Variants in CFHR4 observed in about 807,000 individuals in gnomAD.
CFHR4 encodes the protein complement factor H related 4, also known as complement factor H-related protein 4.
CFHR4 carries 64 observed loss-of-function variants against 69.3 expected under a neutral mutation model. The observed-to-expected ratio is 0.92, with a 90% CI of 0.76 to 1.14. The LOEUF (loss-of-function observed/expected upper bound fraction) is 1.14, where lower values mean the gene tolerates loss of function less well. Among genes scored for constraint, CFHR4 ranks in the 50% most tolerant of loss-of-function variants. CFHR4 has a pLI of 0.00. For synonymous variants in CFHR4, 244 were observed against 237.0 expected (o/e 1.03, Z -0.27); for missense variants, 636 against 684.9 (o/e 0.93, Z 0.80).
chr1:196,890,811 G>A (rs970723116), intron 1 of CFHR4, among the ~76,000 whole-genome samples: 1 of 151,482 alleles, frequency 6.6e-6, no homozygotes, highest in Non-Finnish European at 1.5e-5. Flanking sequence ...CATAACAAAA[G>A]GTTCCAGGCT....
chr1:196,909,852 A>G (rs990142872), intron 5 of CFHR4, among the ~76,000 whole-genome samples: 3 of 151,282 alleles, frequency 2.0e-5, no homozygotes, highest in South Asian at 4.2e-4. Flanking sequence ...AATTTAAAAA[A>G]AAATCTAAAA....
chr1:196,913,059 C>A (rs1457819874), intron 7 of CFHR4, 137 bp downstream of exon 7: 1 of 1,438,870 alleles, frequency 6.9e-7, no homozygotes, highest in Admixed American at 2.2e-5. Flanking sequence ...ATTCAACATT[C>A]TGTGCCAAAT....
At chr1:196,916,766 T>C (rs1331758214) in intron 9 of CFHR4, among the ~76,000 whole-genome samples, 1 of 151,452 alleles carries the variant, frequency 6.6e-6, no homozygotes, top group Admixed American at 6.6e-5. Flanking sequence ...AAGCATTACC[T>C]CTTCTCACAA....
rs1416072596 is a variant in CFHR4, at chr1:196,890,559, C to A, written c.58+2351C>A. Among the ~76,000 whole-genome samples the A allele has an allele frequency of 2.0e-5, 3 of 151,266 alleles. 1 individual carries two copies. Among genetic ancestry groups the A allele is most frequent in the Non-Finnish European group, 4.4e-5 (3 of 67,898 alleles). On this transcript the variant is annotated intron_variant, in intron 1 of 9. Transcript: ENST00000608469. ...GGAAAATTATTTTAATTATGAATAT[C>A]CTTTTAAAATTGTATAAATATTTCA...
At position 196,900,422 on chromosome 1, in the gene CFHR4, T is replaced by C. The variant is rs544483846; in HGVS notation, c.59-1996T>C. Among the ~76,000 whole-genome samples the C allele has an allele frequency of 1.4e-4, 21 of 150,910 alleles. 2 individuals carry two copies. The highest frequency in any genetic ancestry group is 4.9e-4 in the African/African-American group (20 of 40,884). On this transcript the variant is annotated intron_variant, in intron 1 of 9. Transcript: ENST00000608469. Reference sequence around the variant, plus strand: ...AAAGTCATGAAGTGGCTCAAGCTTGTGGTATTAATGATAATGATAGCTACT... The same window carrying C: ...AAAGTCATGAAGTGGCTCAAGCTTGCGGTATTAATGATAATGATAGCTACT...
At chr1:196,901,280 T>C (rs1173707673) in intron 1 of CFHR4, among the ~76,000 whole-genome samples, 3 of 149,184 alleles carry the variant, frequency 2.0e-5, no homozygotes, top group Non-Finnish European at 4.4e-5. Flanking sequence ...AAAAAAATGG[T>C]GAAGAGAAAT....
rs773514113 is a variant in CFHR4 at position 196,914,676 on chromosome 1, G to A, written c.1357+5G>A. 8.8e-6 allele frequency: 14 copies of A among 1,589,486 alleles called. No individual in the cohort carries two copies. Among genetic ancestry groups the A allele is most frequent in the Middle Eastern group, 1.7e-4 (1 of 5,948 alleles). Reference sequence around the variant, plus strand: ...CCCATTTCCCAACATGTTATAGTAAGTATTTTATTCAAGTATTTTTTATTA... The same window carrying A: ...CCCATTTCCCAACATGTTATAGTAAATATTTTATTCAAGTATTTTTTATTA... On this transcript the variant is annotated splice_donor_5th_base_variant and intron_variant, in intron 8 of 9. Coordinates refer to ENST00000608469, the MANE Select transcript of CFHR4 (RefSeq NM_001201550.3).
At chr1:196,898,373 A>G (rs893947638) in intron 1 of CFHR4, among the ~76,000 whole-genome samples, 1 of 151,602 alleles carries the variant, frequency 6.6e-6, no homozygotes, top group Non-Finnish European at 1.5e-5. Flanking sequence ...TTAAACACAA[A>G]AAAAGGGGAG....
chr1:196,889,546 T>G (rs1257025435), intron 1 of CFHR4, among the ~76,000 whole-genome samples: 1 of 151,608 alleles, frequency 6.6e-6, no homozygotes, highest in Non-Finnish European at 1.5e-5. Context: ...TTGAAAACTT[T>G]TCTCCTCCAA....
chr1:196,908,164 G>A (rs1366494366), intron 5 of CFHR4, among the ~76,000 whole-genome samples: 5 of 151,266 alleles, frequency 3.3e-5, no homozygotes, highest in Admixed American at 1.3e-4. Flanking sequence ...GTCACAGGAT[G>A]GGGAGCTAGG....
In CFHR4 at chr1:196,906,720, T is replaced by G. The variant is rs550527037; in HGVS notation, c.440-141T>G. ...AACTGTTATAGCACAAAAAAAACAC[T>G]GATTGTCGGACTATTTTTAATAGTA... On this transcript the variant is annotated intron_variant, in intron 3 of 9. Transcript: ENST00000608469. The G allele has an allele frequency of 2.5e-4, 202 of 823,904 alleles. 1 individual carries two copies. The highest frequency in any genetic ancestry group is 3.5e-4 in the Non-Finnish European group (196 of 554,314). The allele number at this position is 823,904 out of a possible 1,614,324, so 51.0% of individuals were successfully genotyped here. A position where few individuals can be genotyped will look rare whatever the true frequency, so the allele number is the denominator to read the frequency against.
intron 1 of CFHR4, among the ~76,000 whole-genome samples, chr1:196,900,901 A>G (rs1022351354): frequency 6.6e-6 from 1 of 151,542 alleles, no homozygotes; most frequent in Non-Finnish European, 1.5e-5. Flanking sequence ...CCAAGAAACT[A>G]TACAAAGACA....
intron 5 of CFHR4, among the ~76,000 whole-genome samples, chr1:196,909,110 T>A (rs1026047824): frequency 1.3e-5 from 2 of 151,552 alleles, no homozygotes; most frequent in African/African-American, 2.4e-5. Context: ...AAATTTAGTA[T>A]TAGGTTTCAG....
chr1:196,916,353 T>C (rs1403855243), intron 9 of CFHR4, among the ~76,000 whole-genome samples: 1 of 151,966 alleles, frequency 6.6e-6, no homozygotes, highest in Non-Finnish European at 1.5e-5. Context: ...TCTTAAACTA[T>C]AAGTTCATGA....
Position 196,902,573 on chromosome 1 carries a change from C to T in CFHR4, c.214C>T (p.His72Tyr). 1 of 1,612,372 alleles carries T rather than the reference C, an allele frequency of 6.2e-7. No individual in the cohort carries two copies. The highest frequency in any genetic ancestry group is 1.1e-5 in the South Asian group (1 of 91,026). The change falls in exon 2 of 10, where the codon CAT (histidine) becomes TAT (tyrosine). Residue 72 changes from histidine (H) to tyrosine (Y), a missense_variant. By Grantham distance (83) the His-to-Tyr change is moderately conservative (BLOSUM62 2). This residue lies in a region of CFHR4 where 529 missense variants were observed against 533.2 expected (regional missense o/e 0.99). Coordinates refer to ENST00000608469, the MANE Select transcript of CFHR4 (RefSeq NM_001201550.3). ...TPSGSYWDYI[H>Y]CTQDGWSPTV... ...TTCAGGAAGTTACTGGGATTACATT[C>T]ATTGCACACAAGATGGTTGGTCACC...
At chr1:196,899,819 T>A (rs1489525418) in intron 1 of CFHR4, among the ~76,000 whole-genome samples, 2 of 151,602 alleles carry the variant, frequency 1.3e-5, no homozygotes, top group Admixed American at 1.3e-4. Context: ...ATGGAGAAAT[T>A]GACTGGTTTG....
At chr1:196,912,187 T>C (rs1273765428) in intron 6 of CFHR4, among the ~76,000 whole-genome samples, 4 of 151,398 alleles carry the variant, frequency 2.6e-5, no homozygotes, top group African/African-American at 4.9e-5. Context: ...TCTTATTTGC[T>C]TTCTTTTTTC....
chr1:196,910,169 A>C (rs2124964882), intron 5 of CFHR4, 112 bp from the exon 6 acceptor site: 2 of 713,638 alleles, frequency 2.8e-6, no homozygotes, highest in East Asian at 5.9e-5. Flanking sequence ...AAAAAAAGTA[A>C]AGAAAAAAAA....
chr1:196,912,851 C>G lies in CFHR4; in HGVS notation c.1109C>G (p.Thr370Arg), dbSNP rs545223773. Residue 370 changes from threonine to arginine, a missense_variant, in exon 7 of 10, where the codon ACA becomes AGA. This residue lies in a region of CFHR4 where 529 missense variants were observed against 533.2 expected (regional missense o/e 0.99). Transcript: ENST00000608469. ...IQYKCKPGYA[T>R]ADGNSSGSIT... is the part of the protein sequence containing the mutation. The stretch of plus-strand genomic sequence containing the variant: ...TATAAATGTAAACCAGGATATGCAA[C>G]AGCAGATGGAAATTCTTCAGGTTCA... 42 of 1,611,086 alleles carry G rather than the reference C, an allele frequency of 2.6e-5. No homozygotes were observed. Among genetic ancestry groups the G allele is most frequent in the Non-Finnish European group, 3.3e-5 (39 of 1,178,758 alleles).
Sources: allele counts gnomAD v4.1 joint callset (sites outside exome capture counted in the v4.1 genomes callset), GRCh38; gene constraint gnomAD v4.1.1; regional missense constraint gnomAD v4.1.1; transcripts MANE v1.5; gene names NCBI Gene and HGNC (gene_info 2026-07-23, HGNC 2026-07-21).